The following IMPG1 variants were observed in gnomAD, a reference collection of about 807,000 sequenced individuals.
IMPG1 encodes the protein interphotoreceptor matrix proteoglycan of 150 kDa.
In IMPG1, 85 loss-of-function variants were observed where a neutral mutation model predicts 92.0. That is an observed-to-expected ratio of 0.92 (90% confidence interval 0.78 to 1.11). The LOEUF (loss-of-function observed/expected upper bound fraction) is 1.11, where lower values mean the gene tolerates loss of function less well. Ranked by LOEUF, IMPG1 falls within the 50% of genes least tolerant of loss-of-function variation. The probability of loss-of-function intolerance (pLI) is 0.00; values close to 1 mark genes in which losing one functional copy is unlikely to be tolerated. For synonymous variants in IMPG1, 367 were observed against 334.1 expected (o/e 1.10, Z -1.08); for missense variants, 1,022 against 956.0 (o/e 1.07, Z -0.91).
intron 12 of IMPG1, among the ~76,000 whole-genome samples, chr6:75,962,199 A>T (rs1401581130): frequency 6.6e-6 from 1 of 151,976 alleles, no homozygotes; most frequent in Non-Finnish European, 1.5e-5. Flanking sequence ...GGCTCACTGC[A>T]GCCTTAAACT....
chr6:76,021,780 T>TATATATATATATATATAC (rs1289423769), intron 6 of IMPG1, among the ~76,000 whole-genome samples: 1 of 132,352 alleles, frequency 7.6e-6, no homozygotes, highest in Non-Finnish European at 1.6e-5. Context: ...TTGGAGAGCA[T>TATATATATATATATATAC]ATATATATAT....
intron 12 of IMPG1, among the ~76,000 whole-genome samples, chr6:75,974,401 T>TTTCCTTCCTTCCTTCCTTGCTTGC (rs1782493261): frequency 9.7e-5 from 9 of 92,824 alleles, no homozygotes; most frequent in African/African-American, 3.5e-4. Flanking sequence ...CTTTTCTTTC[T>TTTCCTTCCTTCCTTCCTTGCTTGC]TTCCTTCCTT....
At chr6:75,954,870 A>C (rs1310763221) in intron 12 of IMPG1, among the ~76,000 whole-genome samples, 1 of 152,190 alleles carries the variant, frequency 6.6e-6, no homozygotes, top group East Asian at 1.9e-4. Flanking sequence ...TAAATAGGGA[A>C]TCATTTTCCC....
chr6:75,948,447 C>T (rs778771604), intron 13 of IMPG1, among the ~76,000 whole-genome samples: 6 of 152,162 alleles, frequency 3.9e-5, no homozygotes, highest in Non-Finnish European at 7.3e-5. Flanking sequence ...GTGACCCACA[C>T]CTCCTTTTTA....
chr6:76,028,456 T>C (rs1783591450), intron 4 of IMPG1, among the ~76,000 whole-genome samples: 1 of 152,236 alleles, frequency 6.6e-6, no homozygotes, highest in Admixed American at 6.5e-5. Context: ...GAAGCAACTT[T>C]TGACTTTTTC....
rs1224139357 is a variant in IMPG1 at position 75,950,738 on chromosome 6, T to C, written c.1648A>G (p.Thr550Ala). 6.2e-7 allele frequency: 1 copy of C among 1,613,990 alleles called. No individual in the cohort carries two copies. The highest frequency in any genetic ancestry group is 2.2e-5 in the East Asian group (1 of 44,888). ...TACTGTAAAGCTGAGACAGGAGTGG[T>C]ATCCTCCAAGAAATGATCTGGGACA... ...VSVPDHFLED[T>A]TPVSALQYIT... is the part of the protein sequence containing the mutation. Residue 550 changes from threonine to alanine, a missense_variant, in exon 13 of 17, where the codon ACC becomes GCC. Thr to Ala is a moderately conservative substitution (Grantham distance 58). This residue lies in a region of IMPG1 where 332 missense variants were observed against 346.2 expected (regional missense o/e 0.96). Coordinates refer to ENST00000369950, the MANE Select transcript of IMPG1 (RefSeq NM_001563.4).
intron 1 of IMPG1, among the ~76,000 whole-genome samples, chr6:76,052,564 G>A (rs142134466): frequency 5.3e-4 from 80 of 152,228 alleles, no homozygotes; most frequent in South Asian, 1.2e-3. Flanking sequence ...TGGTACAGGC[G>A]CCCTCAAGGT....
intron 1 of IMPG1, among the ~76,000 whole-genome samples, chr6:76,056,654 G>A (rs1391345406): frequency 6.6e-6 from 1 of 152,136 alleles, no homozygotes; most frequent in East Asian, 1.9e-4. Flanking sequence ...CACCAACAAT[G>A]TTCAAAGGTT....
rs753553442 is a variant in IMPG1 at position 76,018,766 on chromosome 6, G to A, written c.759C>T (p.Asp253=). Residue 253 remains aspartate, a synonymous_variant, in exon 7 of 17, where the codon GAC becomes GAT. Coordinates refer to ENST00000369950, the MANE Select transcript of IMPG1 (RefSeq NM_001563.4). The part of the protein sequence containing the change: ...VNQKFKAELA[D]SQSPYYQELA... ...GCTCCTGGTAATATGGGGACTGGGA[G>A]TCAGCGAGCTCTGCCTTGAACTTCT... 1 of 1,613,422 alleles carries A rather than the reference G, an allele frequency of 6.2e-7. No individual in the cohort carries two copies. The highest frequency in any genetic ancestry group is 1.1e-5 in the South Asian group (1 of 90,958).
intron 12 of IMPG1, among the ~76,000 whole-genome samples, chr6:75,974,655 T>C (rs1038618794): frequency 6.6e-6 from 1 of 151,198 alleles, no homozygotes; most frequent in Admixed American, 6.6e-5. Flanking sequence ...TTGGTAGAGA[T>C]GGGGTGCCTG....
chr6:75,957,441 T>C (rs1250931266), intron 12 of IMPG1, among the ~76,000 whole-genome samples: 1 of 152,220 alleles, frequency 6.6e-6, no homozygotes, highest in East Asian at 1.9e-4. Flanking sequence ...GACCCAGAGC[T>C]GAGTTCAAGT....
At chr6:75,976,117 T>G (rs1782528145) in intron 12 of IMPG1, among the ~76,000 whole-genome samples, 1 of 152,220 alleles carries the variant, frequency 6.6e-6, no homozygotes, top group African/African-American at 2.4e-5. Context: ...CTTATTGGTT[T>G]CCTCATTAAC....
intron 15 of IMPG1, among the ~76,000 whole-genome samples, chr6:75,924,643 A>T (rs368603251): frequency 1.0e-4 from 1 of 10,032 alleles, no homozygotes; most frequent in Non-Finnish European, 1.5e-4. Flanking sequence ...TATTATATAT[A>T]ATTAATTATA....
chr6:75,950,588 C>T lies in IMPG1; in HGVS notation c.1798G>A (p.Ala600Thr), dbSNP rs774856944. Residue 600 changes from alanine (A) to threonine (T), a missense_variant, in exon 13 of 17, where the codon GCT becomes ACT. Coordinates refer to ENST00000369950, the MANE Select transcript of IMPG1 (RefSeq NM_001563.4). ...AGCTGTGTGAATTGTTGCTCCAGAGCTCGGTACTCCAGAGAGCTCTTGTTG... is the reference window on the plus strand; with the variant it reads ...AGCTGTGTGAATTGTTGCTCCAGAGTTCGGTACTCCAGAGAGCTCTTGTTG... ...LFNKSSLEYR[A>T]LEQQFTQLLV... 1 of 1,611,736 alleles carries T rather than the reference C, an allele frequency of 6.2e-7. No individual in the cohort carries two copies. The highest frequency in any genetic ancestry group is 2.2e-5 in the East Asian group (1 of 44,872).
intron 12 of IMPG1, among the ~76,000 whole-genome samples, chr6:75,981,882 G>A (rs1782633755): frequency 6.6e-6 from 1 of 152,196 alleles, no homozygotes; most frequent in South Asian, 2.1e-4. Flanking sequence ...TCCAGAAGGA[G>A]CTATTTCAAA....
At chr6:76,068,211 T>G (rs558259896) in intron 1 of IMPG1, among the ~76,000 whole-genome samples, 2 of 152,084 alleles carry the variant, frequency 1.3e-5, no homozygotes, top group Admixed American at 6.6e-5. Flanking sequence ...AAGAAAGAAA[T>G]AAAGTATTCC....
intron 12 of IMPG1, among the ~76,000 whole-genome samples, chr6:75,991,611 C>G (rs1782814281): frequency 6.6e-6 from 1 of 152,156 alleles, no homozygotes. Flanking sequence ...TGCCAGCCCC[C>G]TTCTGAACAA....
intron 12 of IMPG1, among the ~76,000 whole-genome samples, chr6:75,991,587 GACCACCTA>G (rs1241270391): frequency 4.6e-5 from 7 of 152,048 alleles, no homozygotes; most frequent in African/African-American, 1.4e-4. Context: ...ATGCCACTTT[GACCACCTA>G]ACCTATGCCA....
intron 7 of IMPG1, 60 bp from the exon 8 acceptor site, chr6:76,011,284 A>G (rs1055173373): frequency 2.4e-6 from 2 of 829,236 alleles, no homozygotes; most frequent in Admixed American, 4.2e-5. Flanking sequence ...GTTCTTGCCT[A>G]ACTGAAAAAC....
Sources: gnomAD v4.1 joint callset for allele counts (sites outside exome capture counted in the v4.1 genomes callset) on GRCh38, gnomAD v4.1.1 for gene constraint, gnomAD v4.1.1 regional missense constraint, MANE v1.5 for transcripts, NCBI Gene and HGNC (gene_info 2026-07-23, HGNC 2026-07-21) for gene names.